The following RBFOX1 variants were observed in gnomAD, a reference collection of about 807,000 sequenced individuals.
The protein encoded by RBFOX1 is RNA binding protein fox-1 homolog 1.
RBFOX1 carries 8 observed loss-of-function variants against 57.7 expected under a neutral mutation model. The observed-to-expected ratio is 0.14, with a 90% CI of 0.08 to 0.25. The LOEUF (loss-of-function observed/expected upper bound fraction) is 0.25. Among genes scored for constraint, RBFOX1 ranks in the 10% least tolerant of loss-of-function variants. The pLI, the probability that RBFOX1 is intolerant of heterozygous loss-of-function variation, is 1.00. For synonymous variants in RBFOX1, 326 were observed against 222.4 expected (o/e 1.47, Z -4.15); for missense variants, 611 against 548.5 (o/e 1.11, Z -1.14).
At chr16:6,545,969 C>G (rs927384165) in intron 2 of RBFOX1, among the ~76,000 whole-genome samples, 2 of 152,170 alleles carry the variant, frequency 1.3e-5, no homozygotes, top group African/African-American at 4.8e-5. Context: ...GATTTGCAAT[C>G]TTTTGGCTTC....
At chr16:6,717,259 C>G (rs2065014995) in intron 3 of RBFOX1, among the ~76,000 whole-genome samples, 1 of 152,124 alleles carries the variant, frequency 6.6e-6, no homozygotes. Flanking sequence ...ATACCCATTT[C>G]TGACATTATT....
Position 5,300,072 on chromosome 16 carries a change from TC to T in RBFOX1, c.219+59970del, listed in dbSNP as rs2063766338. 2.0e-5 allele frequency among the ~76,000 whole-genome samples: 3 copies of T among 152,226 alleles called. No homozygotes were observed. In the South Asian group the frequency reaches 6.2e-4, roughly 32 times the overall value. ...ATTGAGAAAATTGTAAGTTTTTTTT[TC>T]CCTTTTTTCTCTTAGTGTGTTGAAT... On this transcript the variant is annotated intron_variant, in intron 1 of 2. Coordinates refer to the RBFOX1 transcript ENST00000585867.
Position 6,898,159 on chromosome 16 carries a change from T to C in RBFOX1, c.-15-153898T>C, listed in dbSNP as rs370484915. Among the ~76,000 whole-genome samples, 10 of 152,294 alleles carry C rather than the reference T, an allele frequency of 6.6e-5. 2 individuals are homozygous for C. Among genetic ancestry groups the C allele is most frequent in the East Asian group, 1.9e-4 (1 of 5,166 alleles). On this transcript the variant is annotated intron_variant, in intron 3 of 15. Coordinates refer to ENST00000550418, the MANE Select transcript of RBFOX1 (RefSeq NM_018723.4). ...ATTTTGCCAAATCATGCATCATAAT[T>C]GAGGTCGTAGCCAACGGCATTAAGA...
intron 3 of RBFOX1, among the ~76,000 whole-genome samples, chr16:6,960,506 C>T (rs1338955714): frequency 1.3e-5 from 2 of 152,074 alleles, no homozygotes; most frequent in East Asian, 3.9e-4. Context: ...GCAGCCTGAC[C>T]CTCAGTTTGG....
chr16:6,826,121 C>T (rs988712702), intron 3 of RBFOX1, among the ~76,000 whole-genome samples: 2 of 151,986 alleles, frequency 1.3e-5, no homozygotes, highest in African/African-American at 4.8e-5. Flanking sequence ...TTGGTCATGC[C>T]GTCTCACTTC....
At chr16:6,505,693 GA>G (rs2096070350) in intron 2 of RBFOX1, among the ~76,000 whole-genome samples, 1 of 152,080 alleles carries the variant, frequency 6.6e-6, no homozygotes, top group African/African-American at 2.4e-5. Context: ...ACATTCAAAG[GA>G]AAAAGTGTAG....
chr16:7,044,968 TG>T, intron 3 of RBFOX1, among the ~76,000 whole-genome samples: 1 of 152,192 alleles, frequency 6.6e-6, no homozygotes, highest in Non-Finnish European at 1.5e-5. Flanking sequence ...ACACCCTGTT[TG>T]GGGTGCTGTT....
intron 4 of RBFOX1, among the ~76,000 whole-genome samples, chr16:7,260,291 G>A (rs777349214): frequency 1.3e-4 from 20 of 152,170 alleles, no homozygotes; most frequent in Non-Finnish European, 2.5e-4. Context: ...ATCCAGACAT[G>A]CTTCACTTTT....
intron 1 of RBFOX1, among the ~76,000 whole-genome samples, chr16:5,386,279 GA>G (rs2066253318): frequency 6.6e-6 from 1 of 152,012 alleles, no homozygotes; most frequent in Non-Finnish European, 1.5e-5. Context: ...ATAGAGCTGG[GA>G]CTGGGCTTCT....
At chr16:5,405,299 C>T (rs1014914552) in intron 1 of RBFOX1, among the ~76,000 whole-genome samples, 1 of 152,124 alleles carries the variant, frequency 6.6e-6, no homozygotes, top group East Asian at 1.9e-4. Flanking sequence ...ATGGAAAGGA[C>T]CTGGTGGGAA....
At chr16:5,816,620 T>TA (rs1209245388) in intron 3 of RBFOX1, among the ~76,000 whole-genome samples, 2 of 152,062 alleles carry the variant, frequency 1.3e-5, no homozygotes, top group Non-Finnish European at 2.9e-5. Flanking sequence ...TTCGTTTCTA[T>TA]AAAAAAATAC....
At chr16:7,459,587 C>A (rs1306582674) in intron 4 of RBFOX1, among the ~76,000 whole-genome samples, 1 of 152,136 alleles carries the variant, frequency 6.6e-6, no homozygotes, top group African/African-American at 2.4e-5. Context: ...ACAGATATTG[C>A]AGCCATTCAC....
intron 4 of RBFOX1, among the ~76,000 whole-genome samples, chr16:7,340,941 G>A (rs1270899010): frequency 2.6e-5 from 4 of 152,066 alleles, no homozygotes; most frequent in East Asian, 1.9e-4. Flanking sequence ...TTTATAATAC[G>A]TTGGCACAGG....
chr16:7,410,449 A>C (rs2098412553), intron 4 of RBFOX1, among the ~76,000 whole-genome samples: 1 of 152,210 alleles, frequency 6.6e-6, no homozygotes, highest in Non-Finnish European at 1.5e-5. Context: ...TGGGAGGCCA[A>C]GGTGGGTGGA....
At chr16:6,682,277 C>G (rs2058763869) in intron 3 of RBFOX1, among the ~76,000 whole-genome samples, 1 of 152,288 alleles carries the variant, frequency 6.6e-6, no homozygotes, top group African/African-American at 2.4e-5. Flanking sequence ...ACAGCCCTGC[C>G]TCCTCTGGAG....
intron 1 of RBFOX1, among the ~76,000 whole-genome samples, chr16:5,416,451 G>A (rs915536978): frequency 3.3e-5 from 5 of 151,978 alleles, no homozygotes; most frequent in South Asian, 4.2e-4. Flanking sequence ...ACTTTTTCCC[G>A]TGTCGGTTGG....
chr16:5,635,654 C>A (rs2048660631), intron 3 of RBFOX1, among the ~76,000 whole-genome samples: 1 of 152,132 alleles, frequency 6.6e-6, no homozygotes, highest in South Asian at 2.1e-4. Context: ...TTGCATTTCC[C>A]CCTCTCTATG....
At chr16:7,177,239 T>C (rs1285206013) in intron 4 of RBFOX1, among the ~76,000 whole-genome samples, 1 of 152,188 alleles carries the variant, frequency 6.6e-6, no homozygotes, top group East Asian at 1.9e-4. Flanking sequence ...TTTGTGCTCC[T>C]TATCTAGCTT....
intron 4 of RBFOX1, among the ~76,000 whole-genome samples, chr16:7,384,490 C>T (rs1036712646): frequency 2.6e-5 from 4 of 152,132 alleles, no homozygotes; most frequent in Non-Finnish European, 5.9e-5. Flanking sequence ...TCATGCCAAA[C>T]ATAGCTGAGT....
Sources: gnomAD v4.1 joint callset for allele counts (sites outside exome capture counted in the v4.1 genomes callset) on GRCh38, gnomAD v4.1.1 for gene constraint, MANE v1.5 for transcripts, NCBI Gene and HGNC (gene_info 2026-07-23, HGNC 2026-07-21) for gene names.